Variants in VPS37B observed in about 807,000 individuals in gnomAD.
VPS37B encodes vacuolar protein sorting-associated protein 37B.
A neutral mutation model predicts 21.2 loss-of-function variants in VPS37B; 11 were observed. The observed-to-expected ratio is 0.52, with a 90% CI of 0.33 to 0.86. VPS37B has a LOEUF of 0.86. VPS37B is among the 40% of genes least tolerant of loss of function. The pLI, the probability that VPS37B is intolerant of heterozygous loss-of-function variation, is 0.03. For missense variants in VPS37B, 389 were observed against 374.8 expected, an observed-to-expected ratio of 1.04 and a Z score of -0.31; for synonymous variants, 175 against 159.6, an observed-to-expected ratio of 1.10 and a Z score of -0.73.
chr12:122,868,465 G>A lies in VPS37B; in HGVS notation c.366+15C>T. On this transcript the variant is annotated intron_variant, in intron 3 of 3. Coordinates refer to ENST00000267202, the MANE Select transcript of VPS37B (RefSeq NM_024667.3). The surrounding 1 kb of genome is among the most constrained non-coding windows in gnomAD (Gnocchi z 5.5). ...AAAGCGCCCCAAGGATTCCACCAAG[G>A]CTGGTGGGCTTTACCTCAGTGTCTT... The A allele has an allele frequency of 6.2e-7, 1 of 1,610,466 alleles. No individual in the cohort carries two copies. Among genetic ancestry groups the A allele is most frequent in the East Asian group, 2.2e-5 (1 of 44,864 alleles).
chr12:122,871,580 G>C, intron 1 of VPS37B: 2 of 985,580 alleles, frequency 2.0e-6, no homozygotes, highest in Non-Finnish European at 2.4e-6. Flanking sequence ...CCAGCCACCG[G>C]GGTTCCTCTG....
intron 1 of VPS37B, chr12:122,890,247 CAA>C (rs1566132951): frequency 6.6e-6 from 1 of 151,540 alleles, no homozygotes; most frequent in African/African-American, 2.4e-5. Context: ...AAAACAAAAA[CAA>C]AAAAAGTCTG....
chr12:122,872,002 T>A lies in VPS37B; in HGVS notation c.112-941A>T, dbSNP rs1050685427. On this transcript the variant is annotated intron_variant, in intron 1 of 3. Coordinates refer to ENST00000267202, the MANE Select transcript of VPS37B (RefSeq NM_024667.3). Reference sequence around the variant, plus strand: ...ATTCCTTACCCAGCGTGTGTCCCTGTTTCTCTTTAAGCAGCTCTTCTTCAA... The same window carrying A: ...ATTCCTTACCCAGCGTGTGTCCCTGATTCTCTTTAAGCAGCTCTTCTTCAA... The A allele has an allele frequency of 4.1e-6, 4 of 985,300 alleles. No individual in the cohort carries two copies. In the African/African-American group the frequency reaches 5.2e-5, roughly 13 times the overall value. 61.0% of individuals were successfully genotyped at this position (985,300 alleles called of 1,614,324 possible).
At chr12:122,895,436 C>G (rs531395543) in intron 1 of VPS37B, among the ~76,000 whole-genome samples, 1 of 149,644 alleles carries the variant, frequency 6.7e-6, no homozygotes, top group African/African-American at 2.5e-5. Context: ...GCTCTTGGTC[C>G]CCCTCAGTCA....
At chr12:122,895,916 C>A in intron 1 of VPS37B, 36 bp downstream of exon 1, 2 of 1,591,632 alleles carry the variant, frequency 1.3e-6, no homozygotes, top group South Asian at 2.2e-5. Context: ...CCGCTCGAGG[C>A]CTCACAGCCG....
intron 1 of VPS37B, among the ~76,000 whole-genome samples, chr12:122,890,852 A>G (rs2135713114): frequency 6.6e-6 from 1 of 152,232 alleles, no homozygotes; most frequent in Non-Finnish European, 1.5e-5. Context: ...TTTATTCCCA[A>G]ATTATAATCT....
intron 2 of VPS37B, chr12:122,870,670 T>C (rs1430898227): frequency 2.3e-6 from 1 of 441,822 alleles, no homozygotes; most frequent in Non-Finnish European, 4.0e-6. Flanking sequence ...CAGGAGGTCG[T>C]GCTGAGCCAT....
intron 1 of VPS37B, among the ~76,000 whole-genome samples, chr12:122,890,555 G>A (rs934706812): frequency 3.3e-5 from 5 of 151,956 alleles, no homozygotes; most frequent in South Asian, 2.1e-4. Flanking sequence ...CTCAAACTAC[G>A]GGGCTTAAGT....
chr12:122,871,118 G>A, intron 1 of VPS37B, 57 bp from the exon 2 acceptor site: 1 of 1,591,940 alleles, frequency 6.3e-7, no homozygotes, highest in East Asian at 2.2e-5. Flanking sequence ...CTAAACCCCT[G>A]AGGTCCCCAC....
intron 2 of VPS37B, chr12:122,870,324 G>A (rs2034000199): frequency 6.6e-6 from 1 of 152,528 alleles, no homozygotes; most frequent in African/African-American, 2.4e-5. Context: ...TGTGGACCTG[G>A]GCTGACCTCA....
At chr12:122,891,796 C>G (rs900954102) in intron 1 of VPS37B, among the ~76,000 whole-genome samples, 24 of 152,210 alleles carry the variant, frequency 1.6e-4, no homozygotes, top group African/African-American at 5.8e-4. Flanking sequence ...TTCAGCCCCC[C>G]ACACAAATCA....
chr12:122,871,125 C>T, intron 1 of VPS37B, 64 bp from the exon 2 acceptor site: 1 of 1,578,844 alleles, frequency 6.3e-7, no homozygotes, highest in Non-Finnish European at 8.6e-7. Flanking sequence ...CCTGAGGTCC[C>T]CACGCACACC....
intron 1 of VPS37B, chr12:122,882,146 T>C (rs952810785): frequency 6.6e-6 from 1 of 152,202 alleles, no homozygotes; most frequent in African/African-American, 2.4e-5. Context: ...TTTGACTACA[T>C]GAAATACAGT....
chr12:122,869,733 A>C (rs1221191943), intron 2 of VPS37B, among the ~76,000 whole-genome samples: 2 of 151,930 alleles, frequency 1.3e-5, no homozygotes, highest in Admixed American at 6.6e-5. Flanking sequence ...GAGCACCACC[A>C]CCCCCAGCTT....
chr12:122,894,390 C>T (rs2034458575), intron 1 of VPS37B, among the ~76,000 whole-genome samples: 1 of 152,226 alleles, frequency 6.6e-6, no homozygotes, highest in Admixed American at 6.5e-5. Context: ...TACCATCTTA[C>T]TACAGTGGCC....
Position 122,867,709 on chromosome 12 carries a change from C to G in VPS37B, c.367-102G>C, listed in dbSNP as rs1162162023. 10 of 1,509,738 alleles carry G rather than the reference C, an allele frequency of 6.6e-6. No homozygotes were observed. The highest frequency in any genetic ancestry group is 7.2e-6 in the Non-Finnish European group (8 of 1,109,726). 93.5% of individuals were successfully genotyped at this position (1,509,738 alleles called of 1,614,324 possible). A position where few individuals can be genotyped will look rare whatever the true frequency, so the allele number is the denominator to read the frequency against. On this transcript the variant is annotated intron_variant, in intron 3 of 3. Coordinates refer to ENST00000267202, the MANE Select transcript of VPS37B (RefSeq NM_024667.3). This position sits in a 1 kb window ranked among gnomAD's most constrained non-coding sequence, Gnocchi z 5.5. ...AGGCAACGCCCAGCTGCTTCCAACA[C>G]TGCCCCCTCCCTGTAACCACCCAGA...
At chr12:122,871,704 G>A (rs1326473988) in intron 1 of VPS37B, 1 of 985,086 alleles carries the variant, frequency 1.0e-6, no homozygotes, top group South Asian at 4.7e-5. Context: ...GCCCATCAGG[G>A]ATTTCATTTT....
chr12:122,885,979 G>A (rs1018300127), intron 1 of VPS37B: 20 of 152,030 alleles, frequency 1.3e-4, no homozygotes, highest in African/African-American at 4.3e-4. Flanking sequence ...CACCGCGCCC[G>A]GCCGTAAAAC....
At chr12:122,886,425 G>A (rs936416203) in intron 1 of VPS37B, 1 of 150,494 alleles carries the variant, frequency 6.6e-6, no homozygotes, top group Non-Finnish European at 1.5e-5. Context: ...TTTGAGAACA[G>A]CCTAGGAAAC....
Sources: allele counts gnomAD v4.1 joint callset (sites outside exome capture counted in the v4.1 genomes callset), GRCh38; gene constraint gnomAD v4.1.1; non-coding constraint Gnocchi (gnomAD v3.1); transcripts MANE v1.5; gene names NCBI Gene and HGNC (gene_info 2026-07-23, HGNC 2026-07-21).